The following ZNF112 variants were observed in gnomAD, a reference collection of about 807,000 sequenced individuals.
ZNF112 encodes the protein zinc finger protein 112 (Y14).
In ZNF112, 37 loss-of-function variants were observed where a neutral mutation model predicts 77.7. The observed-to-expected ratio is 0.48, with a 90% CI of 0.37 to 0.63. The LOEUF is 0.63. Among genes scored for constraint, ZNF112 ranks in the 20% least tolerant of loss-of-function variants. The pLI is 0.00. For missense variants in ZNF112, 950 were observed against 1,077.4 expected, an observed-to-expected ratio of 0.88 and a Z score of 1.66; for synonymous variants, 333 against 363.6, an observed-to-expected ratio of 0.92 and a Z score of 0.96.
intron 1 of ZNF112, among the ~76,000 whole-genome samples, chr19:44,355,700 T>G (rs1332214235): frequency 6.6e-6 from 1 of 152,226 alleles, no homozygotes; most frequent in African/African-American, 2.4e-5. Flanking sequence ...TTGTGAGGAT[T>G]AAAGATGTTA....
In ZNF112 at chr19:44,327,358, T is replaced by A; in HGVS notation, c.*75A>T. Reference sequence around the variant, plus strand: ...GTTGAAGTTGGGCAGCAACATTACATTTTAATTTTTAAAAATTCTTTTTCT... The same window carrying A: ...GTTGAAGTTGGGCAGCAACATTACAATTTAATTTTTAAAAATTCTTTTTCT... On this transcript the variant is annotated 3_prime_UTR_variant, in exon 4 of 4. Transcript: ENST00000354340. 1 of 1,263,430 alleles carries A rather than the reference T, an allele frequency of 7.9e-7. No homozygotes were observed. The highest frequency in any genetic ancestry group is 2.8e-5 in the Admixed American group (1 of 35,768). The allele number at this position is 1,263,430 out of a possible 1,614,324, so 78.3% of individuals were successfully genotyped here. A position where few individuals can be genotyped will look rare whatever the true frequency, so the allele number is the denominator to read the frequency against.
chr19:44,328,560 C>G lies in ZNF112; in HGVS notation c.1597G>C (p.Val533Leu). Residue 533 changes from valine (V) to leucine (L), a missense_variant, in exon 4 of 4, where the codon GTT becomes CTT. Around this residue, in one of 3 missense-constraint regions of ZNF112, gnomAD observed 373 missense variants for 482.8 expected, o/e 0.77. Coordinates refer to ENST00000354340, the MANE Select transcript of ZNF112 (RefSeq NM_013380.4). Reference sequence around the variant, plus strand: ...TGGACTCTCTGATGAACATTCAGAACTGATCTATGATTGAAACCTTTGCCG... The same window carrying G: ...TGGACTCTCTGATGAACATTCAGAAGTGATCTATGATTGAAACCTTTGCCG... ...ICGKGFNHRS[V>L]LNVHQRVHTG... is the part of the protein sequence containing the mutation. 1 of 1,604,550 alleles carries G rather than the reference C, an allele frequency of 6.2e-7. No individual in the cohort carries two copies. The highest frequency in any genetic ancestry group is 8.5e-7 in the Non-Finnish European group (1 of 1,173,794).
chr19:44,357,162 C>T (rs1970800829), upstream of ZNF112, among the ~76,000 whole-genome samples: 1 of 152,176 alleles, frequency 6.6e-6, no homozygotes, highest in Admixed American at 6.5e-5. Flanking sequence ...CAATTTTATA[C>T]TGCTAGTCCA....
intron 1 of ZNF112, among the ~76,000 whole-genome samples, chr19:44,350,348 C>G (rs1970669723): frequency 1.3e-5 from 2 of 151,954 alleles, no homozygotes. Context: ...CTTGCCCTAC[C>G]ACATGAGAGT....
At chr19:44,361,173 A>G (rs554895046), upstream of ZNF112, among the ~76,000 whole-genome samples, 57 of 152,288 alleles carry the variant, frequency 3.7e-4, no homozygotes, top group African/African-American at 1.3e-3. Flanking sequence ...GGACACTTAA[A>G]TAGTAAAAAT....
At chr19:44,364,844 C>A (rs1014364855) in intron 1 of ZNF112, among the ~76,000 whole-genome samples, 1 of 152,128 alleles carries the variant, frequency 6.6e-6, no homozygotes, top group African/African-American at 2.4e-5. Flanking sequence ...CCATAAGGGT[C>A]CCTGAACCAA....
intron 1 of ZNF112, among the ~76,000 whole-genome samples, chr19:44,342,211 CT>C (rs1970502767): frequency 6.6e-6 from 1 of 152,150 alleles, no homozygotes; most frequent in East Asian, 1.9e-4. Flanking sequence ...AAACACATAG[CT>C]ATAGGTACTG....
rs544888164 is a variant in ZNF112, at chr19:44,343,128, G to C, written c.-3-2586C>G. 2.6e-3 allele frequency: 2,639 copies of C among 1,000,934 alleles called. 10 individuals carry two copies. Among genetic ancestry groups the C allele is most frequent in the Non-Finnish European group, 3.4e-3 (2,313 of 688,450 alleles). The allele number at this position is 1,000,934 out of a possible 1,614,324, so 62.0% of individuals were successfully genotyped here. ...GGACAAAAACAAAAAGCAAGAGCCT[G>C]ATACATAAATGATACTAAATGCCTG... On this transcript the variant is annotated intron_variant, in intron 1 of 3. Transcript: ENST00000354340.
At chr19:44,364,805 C>T (rs1196565100) in intron 1 of ZNF112, among the ~76,000 whole-genome samples, 2 of 152,178 alleles carry the variant, frequency 1.3e-5, no homozygotes, top group East Asian at 3.8e-4. Flanking sequence ...TTTTACATAA[C>T]AGACTTGAAC....
At chr19:44,358,137 G>A (rs576467727), upstream of ZNF112, among the ~76,000 whole-genome samples, 6 of 134,490 alleles carry the variant, frequency 4.5e-5, no homozygotes, top group Admixed American at 3.0e-4. Context: ...GGGCAACAGA[G>A]CGAGACTCCG....
chr19:44,347,673 T>C (rs1897826), intron 1 of ZNF112, among the ~76,000 whole-genome samples: 62,123 of 151,396 alleles, frequency 0.41, 14,837 homozygotes, highest in South Asian at 0.58. Context: ...ACAAATAGTT[T>C]CCTTTATCTC....
At chr19:44,338,868 G>A (rs1970437241) in intron 2 of ZNF112, among the ~76,000 whole-genome samples, 1 of 152,122 alleles carries the variant, frequency 6.6e-6, no homozygotes, top group Non-Finnish European at 1.5e-5. Flanking sequence ...TTTGAGACCA[G>A]TGTGGCCAAC....
At chr19:44,355,684 G>C (rs1970773928) in intron 1 of ZNF112, among the ~76,000 whole-genome samples, 1 of 152,162 alleles carries the variant, frequency 6.6e-6, no homozygotes, top group African/African-American at 2.4e-5. Flanking sequence ...CAGGCTCAAA[G>C]GGCTCTTGTG....
intron 3 of ZNF112, among the ~76,000 whole-genome samples, chr19:44,335,939 T>A (rs1300478840): frequency 6.6e-6 from 1 of 152,216 alleles, no homozygotes; most frequent in Non-Finnish European, 1.5e-5. Flanking sequence ...ACTTGAAGAT[T>A]CTACTTTAAG....
chr19:44,342,048 A>G (rs1970499232), intron 1 of ZNF112, among the ~76,000 whole-genome samples: 1 of 152,200 alleles, frequency 6.6e-6, no homozygotes, highest in African/African-American at 2.4e-5. Context: ...TTCCCCTCCA[A>G]CAGTCATCTG....
At chr19:44,348,440 C>T (rs1970635041) in intron 1 of ZNF112, among the ~76,000 whole-genome samples, 1 of 152,004 alleles carries the variant, frequency 6.6e-6, no homozygotes, top group African/African-American at 2.4e-5. Flanking sequence ...TTCACTGATT[C>T]TTTTTTCTGT....
In ZNF112 at chr19:44,326,846, T is replaced by C. The variant is rs2123128746; in HGVS notation, c.*587A>G. 6.5e-6 allele frequency: 1 copy of C among 153,526 alleles called. No individual in the cohort carries two copies. Among genetic ancestry groups the C allele is most frequent in the African/African-American group, 2.4e-5 (1 of 41,560 alleles). 9.5% of individuals were successfully genotyped at this position (153,526 alleles called of 1,614,324 possible). A position where few individuals can be genotyped will look rare whatever the true frequency, so the allele number is the denominator to read the frequency against. On this transcript the variant is annotated 3_prime_UTR_variant, in exon 4 of 4. Coordinates refer to ENST00000354340, the MANE Select transcript of ZNF112 (RefSeq NM_013380.4). ...AAATGCAGCACATCTCTGCTCAAGATGGAACAAAGGGTGGGAACTAACCCC... is the reference window on the plus strand; with the variant it reads ...AAATGCAGCACATCTCTGCTCAAGACGGAACAAAGGGTGGGAACTAACCCC...
chr19:44,337,425 T>TATATATA (rs1437862585), intron 2 of ZNF112, among the ~76,000 whole-genome samples: 1 of 77,448 alleles, frequency 1.3e-5, no homozygotes, highest in African/African-American at 6.8e-5. Flanking sequence ...ATAATATATA[T>TATATATA]TATATATATA....
intron 3 of ZNF112, among the ~76,000 whole-genome samples, chr19:44,332,293 C>G (rs1226036019): frequency 6.6e-6 from 1 of 152,200 alleles, no homozygotes; most frequent in Non-Finnish European, 1.5e-5. Context: ...AAAGGCCACA[C>G]TGATGAATCT....
Sources: allele counts gnomAD v4.1 joint callset (sites outside exome capture counted in the v4.1 genomes callset), GRCh38; gene constraint gnomAD v4.1.1; regional missense constraint gnomAD v4.1.1; transcripts MANE v1.5; gene names NCBI Gene and HGNC (gene_info 2026-07-23, HGNC 2026-07-21).